The following TTF1 variants were observed in gnomAD, a reference collection of about 807,000 sequenced individuals.
TTF1 encodes transcription termination factor, RNA polymerase I.
TTF1 carries 64 observed loss-of-function variants against 80.2 expected under a neutral mutation model. That is an observed-to-expected ratio of 0.80 (90% confidence interval 0.65 to 0.98). The LOEUF (loss-of-function observed/expected upper bound fraction) is 0.98. Ranked by LOEUF, TTF1 falls within the 50% of genes least tolerant of loss-of-function variation. TTF1 has a pLI of 0.00. For synonymous variants in TTF1, 372 were observed against 382.7 expected, an observed-to-expected ratio of 0.97 and a Z score of 0.33; for missense variants, 1,023 against 1,086.2, an observed-to-expected ratio of 0.94 and a Z score of 0.82.
At chr9:132,383,691 G>A (rs892679041) in intron 9 of TTF1, among the ~76,000 whole-genome samples, 4 of 152,038 alleles carry the variant, frequency 2.6e-5, no homozygotes, top group Non-Finnish European at 4.4e-5. Context: ...AGGGAGGGCT[G>A]GTCTGATTTA....
At chr9:132,387,269 G>C (rs975577079) in intron 8 of TTF1, among the ~76,000 whole-genome samples, 1 of 152,080 alleles carries the variant, frequency 6.6e-6, no homozygotes, top group African/African-American at 2.4e-5. Flanking sequence ...CTTAAAGTGC[G>C]CAAATTCATT....
intron 9 of TTF1, among the ~76,000 whole-genome samples, chr9:132,382,770 A>G (rs1166297): frequency 2.4e-4 from 9 of 37,836 alleles, no homozygotes; most frequent in East Asian, 5.7e-4. Flanking sequence ...ACAAAAAAAA[A>G]AAAAAAAAAA....
Position 132,376,107 on chromosome 9 carries a change from CATT to C in TTF1, c.2523_2525del (p.Met843del). 6.2e-7 allele frequency: 1 copy of C among 1,614,188 alleles called. No individual in the cohort carries two copies. Among genetic ancestry groups the C allele is most frequent in the Non-Finnish European group, 8.5e-7 (1 of 1,180,038 alleles). ...GGATTTTAGTGCCTTTTTTCTCCATCATTTTTTCTAACTTTTCCTTCAGCAAAG... is the reference window on the plus strand; with the variant it reads ...GGATTTTAGTGCCTTTTTTCTCCATCTTTTCTAACTTTTCCTTCAGCAAAG... On this transcript the variant is annotated inframe_deletion, in exon 11 of 11. Coordinates refer to ENST00000334270, the MANE Select transcript of TTF1 (RefSeq NM_007344.4).
Position 132,398,200 on chromosome 9 carries a change from G to A in TTF1, c.1718C>T (p.Pro573Leu), listed in dbSNP as rs1171211353. The A allele has an allele frequency of 6.3e-7, 1 of 1,593,756 alleles. No individual in the cohort carries two copies. The highest frequency in any genetic ancestry group is 8.5e-7 in the Non-Finnish European group (1 of 1,174,326). ...ADKLLYTDRY[P>L]EEKSVITNLK... is the part of the protein sequence containing the mutation. ...GTTGGTGATCACAGATTTTTCCTCA[G>A]GATATCTGTCCGTGTACAGCAGCTT... Residue 573 changes from proline to leucine, a missense_variant, in exon 4 of 11, where the codon CCT (proline) becomes CTT (leucine). Pro to Leu is a moderately conservative substitution (Grantham distance 98). Coordinates refer to ENST00000334270, the MANE Select transcript of TTF1 (RefSeq NM_007344.4).
In TTF1 at chr9:132,401,642, G is replaced by C; in HGVS notation, c.1180C>G (p.Leu394Val). Residue 394 changes from leucine to valine, a missense_variant, in exon 2 of 11, where the codon CTT becomes GTT. Transcript: ENST00000334270. ...ACTCGTGCCCTTTTGACAGACGTAA[G>C]CTTCCTTTTCTTAGACTTCTTCTTT... is the stretch of plus-strand genomic sequence containing the variant. ...STKKKSKKRKLTSVKRARVSG... is the reference protein window; with the variant it reads ...STKKKSKKRKVTSVKRARVSG... 6.2e-7 allele frequency: 1 copy of C among 1,614,154 alleles called. No homozygotes were observed. Among genetic ancestry groups the C allele is most frequent in the Non-Finnish European group, 8.5e-7 (1 of 1,180,036 alleles).
In TTF1 at chr9:132,401,305, A is replaced by G. The variant is rs187357619; in HGVS notation, c.1367+150T>C. 1.5e-4 allele frequency: 114 copies of G among 760,284 alleles called. 1 individual carries two copies. The East Asian group carries it at 4.3e-3, about 29-fold the overall frequency. 47.1% of individuals were successfully genotyped at this position (760,284 alleles called of 1,614,324 possible). A position where few individuals can be genotyped will look rare whatever the true frequency, so the allele number is the denominator to read the frequency against. ...TGCACCATTGCACTCCAGCCTGGAC[A>G]ATAAGAGCAAATCTCCACCTCAAAA... On this transcript the variant is annotated intron_variant, in intron 2 of 10. Transcript: ENST00000334270.
intron 9 of TTF1, among the ~76,000 whole-genome samples, chr9:132,382,761 C>CAAAAAAAAAAAAAA (rs55904518): frequency 1.5e-5 from 2 of 136,940 alleles, no homozygotes; most frequent in African/African-American, 5.6e-5. Flanking sequence ...ACTAAAAATA[C>CAAAAAAAAAAAAAA]AAAAAAAAAA....
At chr9:132,392,024 C>T (rs1849566584) in intron 6 of TTF1, 52 bp downstream of exon 6, 1 of 1,610,188 alleles carries the variant, frequency 6.2e-7, no homozygotes. Context: ...CTGAACCAGG[C>T]CTGTCAGGGC....
intron 5 of TTF1, among the ~76,000 whole-genome samples, chr9:132,392,826 G>T (rs143496097): frequency 4.6e-5 from 7 of 152,108 alleles, no homozygotes; most frequent in African/African-American, 1.7e-4. Context: ...GACATGTTGC[G>T]TGATGAAAAA....
chr9:132,388,199 T>C lies in TTF1; in HGVS notation c.2252A>G (p.Asn751Ser). Residue 751 changes from asparagine to serine, a missense_variant, in exon 8 of 11, where the codon AAT (asparagine) becomes AGT (serine). By Grantham distance (46) the Asn-to-Ser change is conservative. Coordinates refer to ENST00000334270, the MANE Select transcript of TTF1 (RefSeq NM_007344.4). ...WTEILTKRMT[N>S]GRRIYYGMNA... ...CATGCCATAGTAGATACGCCGACCATTAGTCATCCTCTTGGTTAGAATTTC... is the reference window on the plus strand; with the variant it reads ...CATGCCATAGTAGATACGCCGACCACTAGTCATCCTCTTGGTTAGAATTTC... The C allele has an allele frequency of 1.2e-6, 2 of 1,610,976 alleles. No homozygotes were observed. Among genetic ancestry groups the C allele is most frequent in the East Asian group, 2.2e-5 (1 of 44,836 alleles).
intron 5 of TTF1, among the ~76,000 whole-genome samples, chr9:132,394,443 C>G (rs1849610931): frequency 6.6e-6 from 1 of 151,944 alleles, no homozygotes; most frequent in Admixed American, 6.6e-5. Flanking sequence ...CCACGCCAGG[C>G]TAATTTTTGT....
chr9:132,395,465 G>T (rs1322240048), intron 5 of TTF1, among the ~76,000 whole-genome samples: 1 of 152,084 alleles, frequency 6.6e-6, no homozygotes, highest in African/African-American at 2.4e-5. Context: ...CCATTAACCT[G>T]CCAAAAGCAT....
At chr9:132,387,333 C>G (rs1849486940) in intron 8 of TTF1, among the ~76,000 whole-genome samples, 1 of 152,162 alleles carries the variant, frequency 6.6e-6, no homozygotes, top group South Asian at 2.1e-4. Context: ...CCAAGAGACA[C>G]AGTCATGGGC....
intron 1 of TTF1, among the ~76,000 whole-genome samples, chr9:132,406,044 C>G (rs1054242885): frequency 1.3e-5 from 2 of 152,202 alleles, no homozygotes; most frequent in Admixed American, 6.5e-5. Flanking sequence ...TGATCGGCTT[C>G]TTGAGGGCTG....
intron 5 of TTF1, among the ~76,000 whole-genome samples, chr9:132,392,989 C>T (rs922265250): frequency 4.5e-4 from 69 of 152,312 alleles, no homozygotes; most frequent in African/African-American, 1.4e-3. Context: ...TTTACTCTGA[C>T]AGCACATCTC....
At chr9:132,395,971 T>A (rs1354861240) in intron 5 of TTF1, among the ~76,000 whole-genome samples, 1 of 152,174 alleles carries the variant, frequency 6.6e-6, no homozygotes, top group Non-Finnish European at 1.5e-5. Context: ...GACAACCGGG[T>A]TAAGCACCCC....
rs1849434499 is a variant in TTF1 at position 132,384,964 on chromosome 9, T to C, written c.2378+1592A>G. Among the ~76,000 whole-genome samples, 1 of 152,224 alleles carries C rather than the reference T, an allele frequency of 6.6e-6. No individual in the cohort carries two copies. The highest frequency in any genetic ancestry group is 1.5e-5 in the Non-Finnish European group (1 of 68,040). On this transcript the variant is annotated intron_variant, in intron 9 of 10. Coordinates refer to ENST00000334270, the MANE Select transcript of TTF1 (RefSeq NM_007344.4). This position sits in a 1 kb window ranked among gnomAD's most constrained non-coding sequence, Gnocchi z 4.1. ...AGCCACCGTGCCCAGCCTACGTTTC[T>C]TTAATTCTGGACTACGTAATCTATT...
At chr9:132,387,824 G>A (rs1237983658) in intron 8 of TTF1, among the ~76,000 whole-genome samples, 1 of 152,174 alleles carries the variant, frequency 6.6e-6, no homozygotes, top group Non-Finnish European at 1.5e-5. Flanking sequence ...TCCAACGGGC[G>A]TAAATAATTT....
chr9:132,394,447 T>G (rs1849611061), intron 5 of TTF1, among the ~76,000 whole-genome samples: 1 of 151,796 alleles, frequency 6.6e-6, no homozygotes, highest in Non-Finnish European at 1.5e-5. Context: ...GCCAGGCTAA[T>G]TTTTGTATTT....
Sources: gnomAD v4.1 joint callset for allele counts (sites outside exome capture counted in the v4.1 genomes callset) on GRCh38, gnomAD v4.1.1 for gene constraint, Gnocchi (gnomAD v3.1) non-coding constraint, MANE v1.5 for transcripts, NCBI Gene and HGNC (gene_info 2026-07-23, HGNC 2026-07-21) for gene names.